PRKCE: variants seen among roughly 807,000 people sequenced by gnomAD.
The protein encoded by PRKCE is protein kinase C epsilon type.
A neutral mutation model predicts 85.4 loss-of-function variants in PRKCE; 16 were observed. That is an observed-to-expected ratio of 0.19 (90% CI 0.13 to 0.28). The LOEUF is 0.28. PRKCE is among the 10% of genes least tolerant of loss of function. PRKCE has a pLI of 1.00. For synonymous variants in PRKCE, 388 were observed against 371.5 expected (o/e 1.04, Z -0.51); for missense variants, 573 against 975.2 (o/e 0.59, Z 5.49).
intron 12 of PRKCE, among the ~76,000 whole-genome samples, chr2:46,147,508 C>A (rs571362859): frequency 6.6e-6 from 1 of 152,326 alleles, no homozygotes; most frequent in African/African-American, 2.4e-5. Flanking sequence ...GTGAGACTCA[C>A]AATGAACAAC....
At chr2:45,752,751 T>G (rs1247765571) in intron 1 of PRKCE, among the ~76,000 whole-genome samples, 1 of 152,184 alleles carries the variant, frequency 6.6e-6, no homozygotes, top group East Asian at 1.9e-4. Context: ...CAGGTCACCC[T>G]GACCTAGGTA....
chr2:46,007,862 G>A (rs1443110774), intron 9 of PRKCE, among the ~76,000 whole-genome samples: 2 of 152,214 alleles, frequency 1.3e-5, no homozygotes, highest in Non-Finnish European at 2.9e-5. Flanking sequence ...AGACTTTCAA[G>A]TAGTGATTTA....
intron 2 of PRKCE, among the ~76,000 whole-genome samples, chr2:45,936,266 A>G (rs991804545): frequency 6.6e-6 from 1 of 152,196 alleles, no homozygotes; most frequent in African/African-American, 2.4e-5. Flanking sequence ...TTAAGAGGTT[A>G]TTAGACCTTC....
chr2:45,799,840 G>A (rs1190880184), intron 1 of PRKCE, among the ~76,000 whole-genome samples: 1 of 152,172 alleles, frequency 6.6e-6, no homozygotes, highest in African/African-American at 2.4e-5. Context: ...ACCCAGTCTA[G>A]GGTCAGGGTT....
Position 45,977,690 on chromosome 2 carries a change from G to A in PRKCE, c.572+1102G>A, listed in dbSNP as rs186841132. Among the ~76,000 whole-genome samples the A allele has an allele frequency of 1.8e-4, 27 of 151,726 alleles. No individual in the cohort carries two copies. In the East Asian group the frequency reaches 5.0e-3, roughly 28 times the overall value. On this transcript the variant is annotated intron_variant, in intron 3 of 14. Coordinates refer to ENST00000306156, the MANE Select transcript of PRKCE (RefSeq NM_005400.3). The stretch of plus-strand genomic sequence containing the variant: ...GAGAGGGGCTGAGATAAAGATGATC[G>A]AAGGCCAGCCCCATTCCACTAACAA...
At chr2:45,884,586 A>G (rs763253042) in intron 2 of PRKCE, among the ~76,000 whole-genome samples, 8 of 152,178 alleles carry the variant, frequency 5.3e-5, no homozygotes, top group Non-Finnish European at 8.8e-5. Context: ...GAGGCAGCAC[A>G]TGCCTTGTAA....
intron 10 of PRKCE, among the ~76,000 whole-genome samples, chr2:46,020,477 CA>C (rs1360064196): frequency 6.6e-6 from 1 of 152,038 alleles, no homozygotes; most frequent in Non-Finnish European, 1.5e-5. Context: ...TGAAGGTCTC[CA>C]TTACAAATGT....
At chr2:45,744,500 T>TCTC (rs1553397742) in intron 1 of PRKCE, among the ~76,000 whole-genome samples, 1 of 84,722 alleles carries the variant, frequency 1.2e-5, no homozygotes. Context: ...TCTTTCTTTC[T>TCTC]TTTCTTTCTT....
chr2:45,758,394 A>C (rs773312743), intron 1 of PRKCE, among the ~76,000 whole-genome samples: 2 of 152,242 alleles, frequency 1.3e-5, no homozygotes, highest in Non-Finnish European at 2.9e-5. Context: ...TGCTAGGATT[A>C]TTACAAAACA....
At chr2:45,767,624 A>G (rs4413199) in intron 1 of PRKCE, among the ~76,000 whole-genome samples, 30,124 of 152,126 alleles carry the variant, frequency 0.2, 5,796 homozygotes, top group African/African-American at 0.5. Flanking sequence ...AGTTTTCTCC[A>G]ATTATTGCCT....
chr2:45,761,144 G>A (rs538027491), intron 1 of PRKCE, among the ~76,000 whole-genome samples: 169 of 152,074 alleles, frequency 1.1e-3, no homozygotes, highest in Non-Finnish European at 1.9e-3. Context: ...TGGCTAACAC[G>A]GTGAAACCTC....
At chr2:45,976,705 T>C in intron 3 of PRKCE, 117 bp downstream of exon 3, 3 of 1,231,348 alleles carry the variant, frequency 2.4e-6, no homozygotes, top group Non-Finnish European at 1.1e-6. Context: ...CGTTTCTTCC[T>C]TATCTGAATG....
chr2:45,659,828 CT>C (rs1675552263), intron 1 of PRKCE, among the ~76,000 whole-genome samples: 1 of 148,544 alleles, frequency 6.7e-6, no homozygotes, highest in Non-Finnish European at 1.5e-5. Flanking sequence ...TCATATGCGC[CT>C]TTCCTGCCTT....
intron 10 of PRKCE, among the ~76,000 whole-genome samples, chr2:46,038,651 T>TCACACACACACACA (rs3222422): frequency 4.7e-5 from 6 of 128,642 alleles, no homozygotes; most frequent in Admixed American, 3.2e-4. Context: ...AGTAACAACT[T>TCACACACACACACA]CACACACACA....
At chr2:45,971,962 T>A (rs1180765319) in intron 2 of PRKCE, among the ~76,000 whole-genome samples, 1 of 152,312 alleles carries the variant, frequency 6.6e-6, no homozygotes, top group East Asian at 1.9e-4. Context: ...GTCCTTACTT[T>A]CATTCCTTTG....
chr2:45,800,884 C>T (rs571558532), intron 1 of PRKCE, among the ~76,000 whole-genome samples: 5 of 152,246 alleles, frequency 3.3e-5, no homozygotes, highest in South Asian at 2.1e-4. Flanking sequence ...CTCCCAGAGC[C>T]GGGGATTATA....
chr2:45,783,763 G>A (rs776854106), intron 1 of PRKCE, among the ~76,000 whole-genome samples: 3 of 152,150 alleles, frequency 2.0e-5, no homozygotes, highest in Non-Finnish European at 4.4e-5. Flanking sequence ...TGGCTCACGA[G>A]CCTCCCATCT....
chr2:45,943,030 T>C (rs1280617597), intron 2 of PRKCE, among the ~76,000 whole-genome samples: 1 of 152,242 alleles, frequency 6.6e-6, no homozygotes, highest in Admixed American at 6.5e-5. Context: ...AATTCCCATT[T>C]ATTTCACATA....
intron 2 of PRKCE, among the ~76,000 whole-genome samples, chr2:45,862,443 G>A (rs1334288054): frequency 2.0e-5 from 3 of 152,168 alleles, no homozygotes; most frequent in Non-Finnish European, 4.4e-5. Flanking sequence ...TTAGGCCGGA[G>A]ATTGTTCCAT....
Sources: allele counts gnomAD v4.1 joint callset (sites outside exome capture counted in the v4.1 genomes callset), GRCh38; gene constraint gnomAD v4.1.1; transcripts MANE v1.5; gene names NCBI Gene and HGNC (gene_info 2026-07-23, HGNC 2026-07-21).